ADAMTS6: variants seen among roughly 807,000 people sequenced by gnomAD.
The protein encoded by ADAMTS6 is A disintegrin and metalloproteinase with thrombospondin motifs 6.
Under a neutral mutation model 144.3 loss-of-function variants are expected in ADAMTS6, and 23 were observed. The observed-to-expected ratio is 0.16, with a 90% CI of 0.11 to 0.23. ADAMTS6 has a LOEUF of 0.23. Among genes scored for constraint, ADAMTS6 ranks in the 10% least tolerant of loss-of-function variants. The pLI is 1.00. For synonymous variants in ADAMTS6, 444 were observed against 457.5 expected (o/e 0.97, Z 0.38); for missense variants, 999 against 1,379.6 (o/e 0.72, Z 4.37).
At chr5:65,155,869 TAG>T (rs1752385565) in intron 24 of ADAMTS6, among the ~76,000 whole-genome samples, 1 of 152,200 alleles carries the variant, frequency 6.6e-6, no homozygotes, top group Non-Finnish European at 1.5e-5. Context: ...TGTTCCACCT[TAG>T]AGAAGGGGAT....
At chr5:65,389,765 G>A (rs1253460134) in intron 7 of ADAMTS6, among the ~76,000 whole-genome samples, 1 of 151,988 alleles carries the variant, frequency 6.6e-6, no homozygotes, top group Non-Finnish European at 1.5e-5. Flanking sequence ...AGGTCTAATG[G>A]GCAAAATTTG....
chr5:65,456,082 T>A (rs1168848473), intron 4 of ADAMTS6, among the ~76,000 whole-genome samples: 1 of 151,584 alleles, frequency 6.6e-6, no homozygotes, highest in Non-Finnish European at 1.5e-5. Context: ...AGAGAGAACA[T>A]CTTCAGTTTC....
chr5:65,346,880 A>G (rs1030956449), intron 7 of ADAMTS6, among the ~76,000 whole-genome samples: 5 of 151,760 alleles, frequency 3.3e-5, no homozygotes. Context: ...TAAAAAGACT[A>G]GTAGCATTTC....
intron 11 of ADAMTS6, among the ~76,000 whole-genome samples, chr5:65,282,815 G>A (rs991635819): frequency 2.6e-5 from 4 of 152,000 alleles, no homozygotes; most frequent in African/African-American, 7.3e-5. Context: ...TCCCATCGTG[G>A]CCTCAACTAG....
intron 1 of ADAMTS6, among the ~76,000 whole-genome samples, chr5:65,478,936 C>G (rs745550959): frequency 6.6e-6 from 1 of 152,182 alleles, no homozygotes; most frequent in Non-Finnish European, 1.5e-5. Context: ...TAGTGATTTC[C>G]TCAGTAGTCT....
At chr5:65,346,943 T>C (rs1748379243) in intron 7 of ADAMTS6, among the ~76,000 whole-genome samples, 1 of 150,994 alleles carries the variant, frequency 6.6e-6, no homozygotes, top group African/African-American at 2.4e-5. Flanking sequence ...TAATCCCATT[T>C]ACAATACCAT....
chr5:65,406,648 G>C (rs1338905353), intron 7 of ADAMTS6, among the ~76,000 whole-genome samples: 1 of 152,102 alleles, frequency 6.6e-6, no homozygotes, highest in Non-Finnish European at 1.5e-5. Context: ...GTATCACGAT[G>C]ATACTGGCCT....
chr5:65,291,604 A>G, intron 10 of ADAMTS6, 134 bp from the exon 11 acceptor site: 1 of 890,318 alleles, frequency 1.1e-6, no homozygotes, highest in Non-Finnish European at 1.6e-6. Context: ...ATAAATAATC[A>G]CATGGCAGAA....
At chr5:65,392,452 G>C (rs1753003154) in intron 7 of ADAMTS6, among the ~76,000 whole-genome samples, 2 of 152,136 alleles carry the variant, frequency 1.3e-5, no homozygotes, top group African/African-American at 4.8e-5. Context: ...ACTATAAAGA[G>C]GAACCTCTCT....
At chr5:65,476,641 T>C (rs1760858225) in intron 1 of ADAMTS6, among the ~76,000 whole-genome samples, 1 of 152,008 alleles carries the variant, frequency 6.6e-6, no homozygotes, top group Admixed American at 6.5e-5. Flanking sequence ...TGAGTCTTGC[T>C]CTTGTCGCCC....
At chr5:65,295,379 T>C (rs1195094529) in intron 10 of ADAMTS6, among the ~76,000 whole-genome samples, 1 of 152,106 alleles carries the variant, frequency 6.6e-6, no homozygotes, top group Admixed American at 6.5e-5. Context: ...GTGTTATTTA[T>C]GCTACTATCA....
intron 8 of ADAMTS6, 43 bp downstream of exon 8, chr5:65,333,999 A>T (rs1247646550): frequency 1.6e-5 from 6 of 378,534 alleles, no homozygotes; most frequent in East Asian, 1.1e-4. Context: ...ACCTTTATTA[A>T]AAAAAAAAAA....
intron 7 of ADAMTS6, among the ~76,000 whole-genome samples, chr5:65,420,459 G>A (rs1039400763): frequency 2.6e-5 from 4 of 151,928 alleles, no homozygotes; most frequent in South Asian, 2.1e-4. Flanking sequence ...TCAGCTCACC[G>A]CAACCTCCGC....
intron 14 of ADAMTS6, among the ~76,000 whole-genome samples, chr5:65,247,810 T>G (rs1421462837): frequency 2.0e-5 from 3 of 152,166 alleles, no homozygotes; most frequent in African/African-American, 7.2e-5. Flanking sequence ...TTGCACCTTC[T>G]GCTTCTTCCT....
At chr5:65,237,419 G>GAAAAT (rs59027594) in intron 15 of ADAMTS6, among the ~76,000 whole-genome samples, 8 of 139,058 alleles carry the variant, frequency 5.8e-5, no homozygotes, top group Non-Finnish European at 6.1e-5. Context: ...AACTCCACAA[G>GAAAAT]AAAATAAAAT....
At chr5:65,408,305 T>C (rs181845028) in intron 7 of ADAMTS6, among the ~76,000 whole-genome samples, 124 of 152,148 alleles carry the variant, frequency 8.1e-4, no homozygotes, top group African/African-American at 2.9e-3. Context: ...TGGAGGAAGA[T>C]CTACCAAGCA....
intron 15 of ADAMTS6, among the ~76,000 whole-genome samples, chr5:65,232,800 A>G (rs1475917868): frequency 1.3e-5 from 2 of 152,106 alleles, no homozygotes; most frequent in African/African-American, 2.4e-5. Context: ...TTTTTCTCAC[A>G]CTTTTTCAAA....
At chr5:65,480,214 A>G (rs1761107847) in intron 1 of ADAMTS6, among the ~76,000 whole-genome samples, 1 of 152,242 alleles carries the variant, frequency 6.6e-6, no homozygotes, top group Admixed American at 6.5e-5. Flanking sequence ...ACACTTGAAC[A>G]TAAAAAGAAC....
At chr5:65,381,286 C>T (rs1464791092) in intron 7 of ADAMTS6, among the ~76,000 whole-genome samples, 3 of 151,462 alleles carry the variant, frequency 2.0e-5, no homozygotes, top group East Asian at 3.9e-4. Context: ...GTTAAAAAGG[C>T]AAACATTGTA....
Sources: allele counts gnomAD v4.1 joint callset (sites outside exome capture counted in the v4.1 genomes callset), GRCh38; gene constraint gnomAD v4.1.1; transcripts MANE v1.5; gene names NCBI Gene and HGNC (gene_info 2026-07-23, HGNC 2026-07-21).